The following GLIS3 variants were observed in gnomAD, a reference collection of about 807,000 sequenced individuals.
GLIS3 encodes the protein GLIS family zinc finger 3, also known as zinc finger protein GLIS3.
Under a neutral mutation model 78.6 loss-of-function variants are expected in GLIS3, and 53 were observed. The observed-to-expected ratio is 0.67, with a 90% CI of 0.54 to 0.85. The LOEUF (loss-of-function observed/expected upper bound fraction) is 0.85. Among genes scored for constraint, GLIS3 ranks in the 40% least tolerant of loss-of-function variants. The pLI, the probability that GLIS3 is intolerant of heterozygous loss-of-function variation, is 0.00. For missense variants in GLIS3, 1,703 were observed against 1,231.1 expected (o/e 1.38, Z -5.74); for synonymous variants, 684 against 509.9 (o/e 1.34, Z -4.60).
chr9:4,311,223 A>G (rs1817348457), intron 2 of GLIS3, among the ~76,000 whole-genome samples: 1 of 152,124 alleles, frequency 6.6e-6, no homozygotes, highest in Non-Finnish European at 1.5e-5. Context: ...AGCCTGGCCA[A>G]CATGGCGAAA....
At chr9:4,075,420 A>T (rs1717384431) in intron 4 of GLIS3, among the ~76,000 whole-genome samples, 1 of 150,648 alleles carries the variant, frequency 6.6e-6, no homozygotes, top group African/African-American at 2.4e-5. Flanking sequence ...ACAAAAAAAA[A>T]AAAAAATTAG....
At chr9:4,105,339 C>G (rs574555078) in intron 4 of GLIS3, among the ~76,000 whole-genome samples, 1 of 152,310 alleles carries the variant, frequency 6.6e-6, no homozygotes, top group Non-Finnish European at 1.5e-5. Flanking sequence ...TAATTTCACT[C>G]CCAGGCACAG....
intron 4 of GLIS3, chr9:4,035,162 G>A (rs1402175572): frequency 6.6e-6 from 1 of 152,190 alleles, no homozygotes; most frequent in Non-Finnish European, 1.5e-5. Flanking sequence ...GTGCTAAGCA[G>A]TTTCCAAATG....
chr9:3,842,850 A>T (rs1405589128), intron 9 of GLIS3, among the ~76,000 whole-genome samples: 1 of 152,234 alleles, frequency 6.6e-6, no homozygotes, highest in African/African-American at 2.4e-5. Context: ...AACGGCTCTA[A>T]TTTCATTTGA....
At chr9:4,370,202 AAC>A in the GLIS3 span, among the ~76,000 whole-genome samples, 13 of 150,936 alleles carry the variant, frequency 8.6e-5, 1 homozygote, top group African/African-American at 1.9e-4. Context: ...AAAAAAAAAA[AAC>A]AACCAAAAAA....
At chr9:4,010,202 G>A (rs1470787370) in intron 4 of GLIS3, among the ~76,000 whole-genome samples, 5 of 152,186 alleles carry the variant, frequency 3.3e-5, no homozygotes, top group Non-Finnish European at 7.3e-5. Flanking sequence ...GAGGTCAAGA[G>A]CACAGGCTTG....
At chr9:3,850,725 C>T (rs1387361102) in intron 9 of GLIS3, among the ~76,000 whole-genome samples, 1 of 152,144 alleles carries the variant, frequency 6.6e-6, no homozygotes, top group Non-Finnish European at 1.5e-5. Flanking sequence ...TGTGAGTTCT[C>T]CATTCTCTTC....
chr9:3,938,941 T>C (rs1323423058), intron 4 of GLIS3, among the ~76,000 whole-genome samples: 1 of 152,166 alleles, frequency 6.6e-6, no homozygotes, highest in Admixed American at 6.5e-5. Context: ...CAAACCTCTG[T>C]TTTTAGGGTT....
intron 2 of GLIS3, among the ~76,000 whole-genome samples, chr9:4,238,559 G>C (rs960425039): frequency 6.6e-6 from 1 of 152,190 alleles, no homozygotes; most frequent in Non-Finnish European, 1.5e-5. Context: ...CAGAAGGCCC[G>C]TGTGAAGCAA....
intron 2 of GLIS3, among the ~76,000 whole-genome samples, chr9:4,322,160 AG>A (rs1219147991): frequency 1.3e-5 from 2 of 152,188 alleles, no homozygotes; most frequent in Non-Finnish European, 2.9e-5. Flanking sequence ...TAGTTTGCTC[AG>A]AATGATGGTT....
intron 2 of GLIS3, among the ~76,000 whole-genome samples, chr9:4,311,942 T>A (rs1817366745): frequency 7.7e-6 from 1 of 130,086 alleles, no homozygotes; most frequent in Non-Finnish European, 1.8e-5. Context: ...TGAGGACACG[T>A]GGACACAGAG....
At chr9:3,903,534 C>T (rs564679332) in intron 6 of GLIS3, among the ~76,000 whole-genome samples, 1 of 152,332 alleles carries the variant, frequency 6.6e-6, no homozygotes, top group South Asian at 2.1e-4. Context: ...GCCCTAACCA[C>T]ACTCCATTGG....
intron 4 of GLIS3, among the ~76,000 whole-genome samples, chr9:4,091,765 C>T (rs374130420): frequency 2.0e-5 from 3 of 152,106 alleles, no homozygotes; most frequent in African/African-American, 7.2e-5. Flanking sequence ...CTTCCCCAGC[C>T]CTGCGGAACC....
chr9:4,236,184 C>CAAAAAAAAAAAAAAAAAAAAAA (rs59839951), intron 2 of GLIS3, among the ~76,000 whole-genome samples: 17 of 84,294 alleles, frequency 2.0e-4, no homozygotes, highest in Non-Finnish European at 2.5e-4. Context: ...GTGGTTGTCA[C>CAAAAAAAAAAAAAAAAAAAAAA]AAAAAAAAAA....
chr9:4,243,833 T>G (rs2129745071), intron 2 of GLIS3, among the ~76,000 whole-genome samples: 1 of 152,294 alleles, frequency 6.6e-6, no homozygotes, highest in East Asian at 1.9e-4. Context: ...CATTAGGAAG[T>G]AAATCAAAAT....
intron 2 of GLIS3, among the ~76,000 whole-genome samples, chr9:4,345,909 T>C (rs1430307504): frequency 1.3e-5 from 2 of 152,200 alleles, no homozygotes; most frequent in South Asian, 4.1e-4. Flanking sequence ...CAAAAGAATA[T>C]TGCTTTGATA....
At chr9:4,345,182 C>G (rs1479483432) in intron 2 of GLIS3, among the ~76,000 whole-genome samples, 3 of 152,154 alleles carry the variant, frequency 2.0e-5, no homozygotes, top group Non-Finnish European at 4.4e-5. Context: ...GCCACTGGGC[C>G]CCTGCGTTAC....
At chr9:4,375,988 G>C in the GLIS3 span, among the ~76,000 whole-genome samples, 1 of 152,188 alleles carries the variant, frequency 6.6e-6, no homozygotes, top group African/African-American at 2.4e-5. Flanking sequence ...AAAAGAAAGT[G>C]AGTCCCTGAG....
rs1349760060 is a variant in GLIS3 at position 3,827,363 on chromosome 9, T to C, written c.*909A>G. 6.6e-6 allele frequency: 1 copy of C among 152,196 alleles called. No homozygotes were observed. Among genetic ancestry groups the C allele is most frequent in the Non-Finnish European group, 1.5e-5 (1 of 68,060 alleles). The allele number at this position is 152,196 out of a possible 1,614,324, so 9.4% of individuals were successfully genotyped here. On this transcript the variant is annotated 3_prime_UTR_variant, in exon 11 of 11. Coordinates refer to ENST00000381971, the MANE Select transcript of GLIS3 (RefSeq NM_001042413.2). Reference sequence around the variant, plus strand: ...AGAGTGGAGGCAATGGGTAAACCAGTCAAACAACATTTTTCTTTGAACACA... The same window carrying C: ...AGAGTGGAGGCAATGGGTAAACCAGCCAAACAACATTTTTCTTTGAACACA...
Sources: allele counts gnomAD v4.1 joint callset (sites outside exome capture counted in the v4.1 genomes callset), GRCh38; gene constraint gnomAD v4.1.1; transcripts MANE v1.5; gene names NCBI Gene and HGNC (gene_info 2026-07-23, HGNC 2026-07-21).